RUNX1: variants seen among roughly 807,000 people sequenced by gnomAD.
RUNX1 encodes runt-related transcription factor 1.
RUNX1 carries 19 observed loss-of-function variants against 42.8 expected under a neutral mutation model. That is an observed-to-expected ratio of 0.44 (90% confidence interval 0.31 to 0.65). The LOEUF (loss-of-function observed/expected upper bound fraction) is 0.65, where lower values mean the gene tolerates loss of function less well. Ranked by LOEUF, RUNX1 falls within the 30% of genes least tolerant of loss-of-function variation. The pLI is 0.07. For synonymous variants in RUNX1, 271 were observed against 289.4 expected, an observed-to-expected ratio of 0.94 and a Z score of 0.64; for missense variants, 528 against 672.0, an observed-to-expected ratio of 0.79 and a Z score of 2.37.
chr21:34,883,291 T>C (rs2057933123), intron 4 of RUNX1, among the ~76,000 whole-genome samples: 1 of 152,198 alleles, frequency 6.6e-6, no homozygotes, highest in Admixed American at 6.5e-5. Context: ...GGCACCTACA[T>C]ATCATTCACT....
intron 3 of RUNX1, among the ~76,000 whole-genome samples, chr21:34,890,315 C>T (rs886928456): frequency 6.6e-5 from 10 of 152,176 alleles, no homozygotes; most frequent in Admixed American, 3.9e-4. Flanking sequence ...TTCGGGTCGC[C>T]CGGGAAGAAC....
chr21:35,008,179 C>T (rs1028289505), intron 2 of RUNX1, among the ~76,000 whole-genome samples: 1 of 152,162 alleles, frequency 6.6e-6, no homozygotes, highest in Non-Finnish European at 1.5e-5. Flanking sequence ...AAAAACTTTC[C>T]CTGCCCCTCC....
intron 2 of RUNX1, among the ~76,000 whole-genome samples, chr21:34,974,573 T>C (rs1286494268): frequency 6.6e-6 from 1 of 152,130 alleles, no homozygotes; most frequent in African/African-American, 2.4e-5. Flanking sequence ...AGGGTTCAGA[T>C]GAGGGGCACA....
chr21:34,874,872 T>C (rs2057792023), intron 5 of RUNX1, among the ~76,000 whole-genome samples: 2 of 152,102 alleles, frequency 1.3e-5, no homozygotes, highest in Admixed American at 1.3e-4. Context: ...AACAGGAAGC[T>C]CTAAAAATCA....
rs1486475549 is a variant in RUNX1 at position 34,843,448 on chromosome 21, CAT to C, written c.614-8849_614-8848del. Among the ~76,000 whole-genome samples, 1 of 152,044 alleles carries C rather than the reference CAT, an allele frequency of 6.6e-6. No homozygotes were observed. The highest frequency in any genetic ancestry group is 1.9e-4 in the East Asian group (1 of 5,192). On this transcript the variant is annotated intron_variant, in intron 6 of 8. Coordinates refer to ENST00000675419, the MANE Select transcript of RUNX1 (RefSeq NM_001754.5). This position sits in a 1 kb window ranked among gnomAD's most constrained non-coding sequence, Gnocchi z 4.8. ...AGACATGGGGACACATATATACAAA[CAT>C]ACACACATACTGACATACACACATA...
At chr21:34,815,969 T>G (rs1362726442) in intron 7 of RUNX1, among the ~76,000 whole-genome samples, 1 of 151,950 alleles carries the variant, frequency 6.6e-6, no homozygotes, top group Non-Finnish European at 1.5e-5. Flanking sequence ...GCATGGAGAC[T>G]TCCTAGGCTC....
chr21:34,998,830 C>T (rs772646461), intron 2 of RUNX1, among the ~76,000 whole-genome samples: 21 of 152,170 alleles, frequency 1.4e-4, no homozygotes, highest in Non-Finnish European at 2.1e-4. Flanking sequence ...CGTGAGCCAC[C>T]GTGCCCGGCC....
chr21:34,887,224 CT>C, intron 3 of RUNX1, 128 bp from the exon 4 acceptor site: 1 of 893,492 alleles, frequency 1.1e-6, no homozygotes, highest in Non-Finnish European at 1.3e-6. Flanking sequence ...GTTCAGGGGC[CT>C]TTATTACTGC....
At chr21:34,930,239 T>TATACATGTATATCTATTATATATACATG (rs1299650215) in intron 2 of RUNX1, among the ~76,000 whole-genome samples, 1 of 130,638 alleles carries the variant, frequency 7.7e-6, no homozygotes, top group African/African-American at 3.6e-5. Flanking sequence ...TATATACATA[T>TATACATGTATATCTATTATATATACATG]TATATATGTA....
chr21:34,828,350 A>T (rs1040844777), intron 7 of RUNX1, among the ~76,000 whole-genome samples: 2 of 152,142 alleles, frequency 1.3e-5, no homozygotes, highest in African/African-American at 2.4e-5. Flanking sequence ...TCCCACCATT[A>T]TATTTTGGAA....
intron 2 of RUNX1, among the ~76,000 whole-genome samples, chr21:35,039,402 G>A (rs976031936): frequency 5.3e-5 from 8 of 151,916 alleles, no homozygotes; most frequent in South Asian, 2.1e-4. Context: ...CCAAATATTC[G>A]GCTCTTCCTT....
chr21:34,795,456 G>A (rs531058136), intron 8 of RUNX1, among the ~76,000 whole-genome samples: 30 of 152,270 alleles, frequency 2.0e-4, no homozygotes, highest in South Asian at 1.2e-3. Flanking sequence ...AATGTGATGA[G>A]GGGATACACT....
intron 2 of RUNX1, among the ~76,000 whole-genome samples, chr21:34,910,187 C>G (rs1309589426): frequency 6.6e-6 from 1 of 152,216 alleles, no homozygotes; most frequent in Non-Finnish European, 1.5e-5. Flanking sequence ...GCAGCTCACC[C>G]TTAGCCTTCT....
chr21:34,954,414 G>T (rs939672069), intron 2 of RUNX1, among the ~76,000 whole-genome samples: 1 of 152,158 alleles, frequency 6.6e-6, no homozygotes, highest in East Asian at 1.9e-4. Context: ...TCAGGCTGGA[G>T]CAGAGCCTCA....
chr21:34,929,440 A>T (rs9978940), intron 2 of RUNX1, among the ~76,000 whole-genome samples: 11,131 of 152,218 alleles, frequency 0.073, 560 homozygotes, highest in African/African-American at 0.13. Context: ...ACAGAGAAAG[A>T]GTACATCCAG....
At chr21:35,003,364 G>T (rs1478801210) in intron 2 of RUNX1, among the ~76,000 whole-genome samples, 4 of 152,182 alleles carry the variant, frequency 2.6e-5, no homozygotes, top group African/African-American at 9.7e-5. Flanking sequence ...TCGCCTGCAT[G>T]TGAGTAACAA....
chr21:34,996,164 G>T (rs1326752958), intron 2 of RUNX1, among the ~76,000 whole-genome samples: 1 of 152,072 alleles, frequency 6.6e-6, no homozygotes, highest in Non-Finnish European at 1.5e-5. Context: ...CATCAAGCAG[G>T]AATTCTCCCA....
chr21:35,026,788 G>A (rs1171850300), intron 2 of RUNX1, among the ~76,000 whole-genome samples: 1 of 152,208 alleles, frequency 6.6e-6, no homozygotes, highest in Non-Finnish European at 1.5e-5. Context: ...AGCCAGAAAC[G>A]GCGGGGACGC....
intron 5 of RUNX1, among the ~76,000 whole-genome samples, chr21:34,868,644 C>G (rs1366396038): frequency 6.6e-6 from 1 of 152,212 alleles, no homozygotes; most frequent in Non-Finnish European, 1.5e-5. Flanking sequence ...CAGGGAGACC[C>G]TCTGAACCTT....
Sources: allele counts gnomAD v4.1 joint callset (sites outside exome capture counted in the v4.1 genomes callset), GRCh38; gene constraint gnomAD v4.1.1; non-coding constraint Gnocchi (gnomAD v3.1); transcripts MANE v1.5; gene names NCBI Gene and HGNC (gene_info 2026-07-23, HGNC 2026-07-21).